The following CCDC171 variants were observed in gnomAD, a reference collection of about 807,000 sequenced individuals.
The protein encoded by CCDC171 is coiled-coil domain-containing protein 171.
A neutral mutation model predicts 168.2 loss-of-function variants in CCDC171; 177 were observed. The observed-to-expected ratio is 1.05, with a 90% CI of 0.93 to 1.19. The LOEUF is 1.19. Ranked by LOEUF, CCDC171 falls within the 50% of genes most tolerant of loss-of-function variation. CCDC171 has a pLI of 0.00. For missense variants in CCDC171, 1,991 were observed against 1,539.0 expected (o/e 1.29, Z -4.91); for synonymous variants, 687 against 540.8 (o/e 1.27, Z -3.75).
At chr9:16,031,845 T>C (rs569836783) in intron 6 of CCDC171, among the ~76,000 whole-genome samples, 3 of 152,240 alleles carry the variant, frequency 2.0e-5, no homozygotes, top group Non-Finnish European at 2.9e-5. Context: ...GAGCATGCCC[T>C]CCACCCCAGG....
At position 15,724,964 on chromosome 9, in the gene CCDC171, T is replaced by G. The variant is rs1367054507; in HGVS notation, c.1680T>G (p.His560Gln). ...TGCAGAAGCTTTCCCAGGCTTTCCA[T>G]AAGGATGCAGAGGTATTACCTGAGA... ...SELQKLSQAF[H>Q]KDAEEKLTFL... Residue 560 changes from histidine (H) to glutamine (Q), a missense_variant, in exon 14 of 26, where the codon CAT (histidine) becomes CAG (glutamine). His to Gln is a conservative substitution (Grantham distance 24). Transcript: ENST00000380701. 6.2e-7 allele frequency: 1 copy of G among 1,613,582 alleles called. No homozygotes were observed. Among genetic ancestry groups the G allele is most frequent in the Non-Finnish European group, 8.5e-7 (1 of 1,179,584 alleles).
chr9:16,076,360 A>G, the CCDC171 span, among the ~76,000 whole-genome samples: 1 of 152,162 alleles, frequency 6.6e-6, no homozygotes, highest in South Asian at 2.1e-4. Context: ...TATTTAGTCA[A>G]CCAAAGGGTT....
intron 21 of CCDC171, among the ~76,000 whole-genome samples, chr9:15,824,016 A>T (rs2059907993): frequency 6.6e-6 from 1 of 152,126 alleles, no homozygotes; most frequent in Non-Finnish European, 1.5e-5. Context: ...ATTTTCCCCT[A>T]TCAAGCCAGT....
chr9:16,081,455 T>C, the CCDC171 span, among the ~76,000 whole-genome samples: 1 of 152,078 alleles, frequency 6.6e-6, no homozygotes, highest in Non-Finnish European at 1.5e-5. Context: ...TGTTCTATGG[T>C]TGGGAGAGTT....
chr9:15,580,336 A>G (rs1470091243), intron 4 of CCDC171, among the ~76,000 whole-genome samples: 1 of 152,240 alleles, frequency 6.6e-6, no homozygotes, highest in South Asian at 2.1e-4. Context: ...TCCCAAAAGC[A>G]AATGCAACAA....
intron 25 of CCDC171, among the ~76,000 whole-genome samples, chr9:15,926,585 A>C (rs1458575910): frequency 1.3e-5 from 2 of 151,654 alleles, no homozygotes; most frequent in Non-Finnish European, 3.0e-5. Flanking sequence ...AGAAGGCTTT[A>C]GAATCAGGCA....
At chr9:15,675,318 C>G (rs1279931325) in intron 9 of CCDC171, among the ~76,000 whole-genome samples, 1 of 149,702 alleles carries the variant, frequency 6.7e-6, no homozygotes, top group Non-Finnish European at 1.5e-5. Context: ...GGTCTTGACT[C>G]TTTATGCAAT....
At chr9:16,073,561 G>C in the CCDC171 span, among the ~76,000 whole-genome samples, 29 of 152,210 alleles carry the variant, frequency 1.9e-4, no homozygotes, top group African/African-American at 6.5e-4. Context: ...ATTTAGGTTA[G>C]TGGTTTTCCT....
chr9:15,653,531 C>T (rs1451500293), intron 7 of CCDC171, among the ~76,000 whole-genome samples: 5 of 152,042 alleles, frequency 3.3e-5, no homozygotes, highest in Non-Finnish European at 5.9e-5. Context: ...AAAAATGTTT[C>T]TCAATATGGA....
chr9:15,754,460 A>T (rs2055967711), intron 18 of CCDC171, among the ~76,000 whole-genome samples: 1 of 152,300 alleles, frequency 6.6e-6, no homozygotes, highest in Non-Finnish European at 1.5e-5. Flanking sequence ...TGGTAAAAAA[A>T]TAGTTGTCAC....
intron 11 of CCDC171, among the ~76,000 whole-genome samples, chr9:15,712,008 T>G (rs896166897): frequency 6.6e-6 from 1 of 152,224 alleles, no homozygotes; most frequent in African/African-American, 2.4e-5. Flanking sequence ...AGTCTGAGTT[T>G]GAAGTCCTGA....
At chr9:15,977,001 A>G (rs1181844093), downstream of CCDC171, among the ~76,000 whole-genome samples, 1 of 152,186 alleles carries the variant, frequency 6.6e-6, no homozygotes, top group East Asian at 1.9e-4. Flanking sequence ...GAAAAGAAAA[A>G]TAAAGCCTCT....
At chr9:15,927,798 G>A (rs79387099) in intron 25 of CCDC171, among the ~76,000 whole-genome samples, 3,268 of 151,680 alleles carry the variant, frequency 0.022, 48 homozygotes, top group Middle Eastern at 0.051. Flanking sequence ...TATACTTTAC[G>A]GATAGCAGAG....
Position 15,972,379 on chromosome 9 carries a change from T to G in CCDC171, c.*543T>G, listed in dbSNP as rs536728973. 6.5e-6 allele frequency: 1 copy of G among 154,638 alleles called. No homozygotes were observed. Among genetic ancestry groups the G allele is most frequent in the African/African-American group, 2.4e-5 (1 of 41,586 alleles). The allele number at this position is 154,638 out of a possible 1,614,324, so 9.6% of individuals were successfully genotyped here. A position where few individuals can be genotyped will look rare whatever the true frequency, so the allele number is the denominator to read the frequency against. On this transcript the variant is annotated 3_prime_UTR_variant, in exon 26 of 26. Transcript: ENST00000380701. ...GAAATGATGTGACTGCTTCTCCTCC[T>G]GCACAATAATGTCACTCCTGGTCAA...
intron 22 of CCDC171, among the ~76,000 whole-genome samples, chr9:15,847,210 G>GA (rs2060935736): frequency 1.3e-5 from 2 of 151,810 alleles, no homozygotes; most frequent in South Asian, 4.1e-4. Context: ...CACTGTCTCC[G>GA]AAATTTTGTT....
At chr9:15,628,017 G>A (rs1257980247) in intron 7 of CCDC171, among the ~76,000 whole-genome samples, 1 of 152,036 alleles carries the variant, frequency 6.6e-6, no homozygotes, top group African/African-American at 2.4e-5. Flanking sequence ...GGGTGATAAG[G>A]AAATGTTAAA....
At chr9:15,748,207 C>A (rs536813193) in intron 18 of CCDC171, among the ~76,000 whole-genome samples, 1 of 151,530 alleles carries the variant, frequency 6.6e-6, no homozygotes, top group African/African-American at 2.4e-5. Flanking sequence ...TTTGATCAAG[C>A]GGAAGAAAGT....
intron 25 of CCDC171, among the ~76,000 whole-genome samples, chr9:15,929,929 C>G (rs1437251023): frequency 6.6e-6 from 1 of 151,582 alleles, no homozygotes; most frequent in Non-Finnish European, 1.5e-5. Context: ...GTTTTTTTCA[C>G]CATTGTTCAA....
intron 3 of CCDC171, among the ~76,000 whole-genome samples, chr9:15,990,211 C>G (rs1026048160): frequency 6.6e-6 from 1 of 152,132 alleles, no homozygotes; most frequent in Non-Finnish European, 1.5e-5. Context: ...GGAAGCCCAT[C>G]AGACTGACAG....
Sources: gnomAD v4.1 joint callset for allele counts (sites outside exome capture counted in the v4.1 genomes callset) on GRCh38, gnomAD v4.1.1 for gene constraint, MANE v1.5 for transcripts, NCBI Gene and HGNC (gene_info 2026-07-23, HGNC 2026-07-21) for gene names.